Variants in IL1R2 observed in about 807,000 individuals in gnomAD.
The protein encoded by IL1R2 is interleukin-1 receptor type 2.
IL1R2 carries 46 observed loss-of-function variants against 39.5 expected under a neutral mutation model. The observed-to-expected ratio is 1.16, with a 90% CI of 0.92 to 1.49. IL1R2 has a LOEUF of 1.49. IL1R2 is among the 40% of genes most tolerant of loss of function. The probability of loss-of-function intolerance (pLI) is 0.00; values close to 1 mark genes in which losing one functional copy is unlikely to be tolerated. For missense variants in IL1R2, 537 were observed against 502.0 expected (o/e 1.07, Z -0.67); for synonymous variants, 207 against 189.6 (o/e 1.09, Z -0.75).
At chr2:102,001,264 C>T (rs954769404) in intron 1 of IL1R2, among the ~76,000 whole-genome samples, 4 of 152,206 alleles carry the variant, frequency 2.6e-5, no homozygotes, top group African/African-American at 4.8e-5. Context: ...GTGGTTTTAG[C>T]GAGAAGGGAT....
chr2:101,997,014 T>G (rs1333781395), intron 1 of IL1R2, among the ~76,000 whole-genome samples: 2 of 152,140 alleles, frequency 1.3e-5, no homozygotes, highest in Non-Finnish European at 2.9e-5. Context: ...ACTCTTCCAG[T>G]TTCTCACCAG....
In IL1R2 at chr2:102,019,767, G is replaced by T; in HGVS notation, c.643G>T (p.Gly215Cys). 1 of 1,614,176 alleles carries T rather than the reference G, an allele frequency of 6.2e-7. No homozygotes were observed. The highest frequency in any genetic ancestry group is 8.5e-7 in the Non-Finnish European group (1 of 1,180,028). ...CTGTGTCCTGACATTTGCCCATGAA[G>T]GCCAGCAATACAACATCACTAGGAG... Reference protein sequence around the residue: ...YRCVLTFAHEGQQYNITRSIE... With the variant: ...YRCVLTFAHECQQYNITRSIE... The change falls in exon 5 of 9, where the codon GGC becomes TGC. Residue 215 changes from glycine to cysteine, a missense_variant. Gly to Cys is a radical substitution (Grantham distance 159). Transcript: ENST00000332549.
chr2:102,017,331 A>T (rs1010867389), intron 4 of IL1R2, among the ~76,000 whole-genome samples: 2 of 147,936 alleles, frequency 1.4e-5, no homozygotes, highest in African/African-American at 5.0e-5. Context: ...CTGGAGGTGG[A>T]GGTTGCAGTG....
At chr2:102,007,413 C>T (rs719248) in intron 1 of IL1R2, among the ~76,000 whole-genome samples, 97,465 of 152,056 alleles carry the variant, frequency 0.64, 32,926 homozygotes, top group African/African-American at 0.85. Context: ...ATAGGGAAAA[C>T]TCTCTGACAA....
chr2:102,016,016 C>A lies in IL1R2; in HGVS notation c.478C>A (p.Arg160Ser). ...ATGCCCTGACCTGAGTGAATTCACCCGTGACAAAACTGACGTGAAGATTCA... is the reference window on the plus strand; with the variant it reads ...ATGCCCTGACCTGAGTGAATTCACCAGTGACAAAACTGACGTGAAGATTCA... ...LVCPDLSEFT[R>S]DKTDVKIQWY... Residue 160 changes from arginine (R) to serine (S), a missense_variant, in exon 4 of 9, where the codon CGT becomes AGT. Coordinates refer to ENST00000332549, the MANE Select transcript of IL1R2 (RefSeq NM_004633.4). 1 of 1,613,704 alleles carries A rather than the reference C, an allele frequency of 6.2e-7. No homozygotes were observed. Among genetic ancestry groups the A allele is most frequent in the Non-Finnish European group, 8.5e-7 (1 of 1,179,812 alleles).
At chr2:101,993,816 A>G (rs183482207) in intron 1 of IL1R2, among the ~76,000 whole-genome samples, 1 of 152,216 alleles carries the variant, frequency 6.6e-6, no homozygotes, top group African/African-American at 2.4e-5. Context: ...GATCTTTGTC[A>G]AGACCCTACA....
Position 102,028,432 on chromosome 2 carries a change from G to A in IL1R2, c.*40G>A, listed in dbSNP as rs371717704. 49 of 1,504,428 alleles carry A rather than the reference G, an allele frequency of 3.3e-5. No individual in the cohort carries two copies. Among genetic ancestry groups the A allele is most frequent in the South Asian group, 2.8e-4 (21 of 76,344 alleles). 93.2% of individuals were successfully genotyped at this position (1,504,428 alleles called of 1,614,324 possible). A position where few individuals can be genotyped will look rare whatever the true frequency, so the allele number is the denominator to read the frequency against. ...AATAATTCAAACACAAACTCCGTAC[G>A]TCTTCTCTTATGGAAGTGGCTGTGT... On this transcript the variant is annotated 3_prime_UTR_variant, in exon 9 of 9. Coordinates refer to ENST00000332549, the MANE Select transcript of IL1R2 (RefSeq NM_004633.4).
At position 101,993,546 on chromosome 2, in the gene IL1R2, CTCTG is replaced by C. The variant is rs1477839730; in HGVS notation, c.-62+1543_-62+1546del. On this transcript the variant is annotated intron_variant, in intron 1 of 8. Coordinates refer to ENST00000332549, the MANE Select transcript of IL1R2 (RefSeq NM_004633.4). The stretch of plus-strand genomic sequence containing the variant: ...CTCAGGTGTCCTGACTCCCAGATCT[CTCTG>C]TCTGTCTTTGTTTCTCTCTGTCTGC... Among the ~76,000 whole-genome samples the C allele has an allele frequency of 3.3e-5, 5 of 152,254 alleles. No homozygotes were observed. In the East Asian group the frequency reaches 5.8e-4, roughly 18 times the overall value.
At chr2:102,021,535 C>T (rs985194810) in intron 5 of IL1R2, among the ~76,000 whole-genome samples, 9 of 152,106 alleles carry the variant, frequency 5.9e-5, no homozygotes, top group Admixed American at 4.6e-4. Context: ...AGGCTGGTCT[C>T]GAACTCCTGA....
At chr2:102,022,359 C>T (rs1483560150) in intron 6 of IL1R2, 110 bp downstream of exon 6, 2 of 871,238 alleles carry the variant, frequency 2.3e-6, no homozygotes, top group Non-Finnish European at 3.9e-6. Context: ...TCCTTGGGTG[C>T]AATGTGCCTG....
At chr2:101,995,647 A>C (rs932383999) in intron 1 of IL1R2, among the ~76,000 whole-genome samples, 2 of 152,126 alleles carry the variant, frequency 1.3e-5, no homozygotes, top group African/African-American at 4.8e-5. Context: ...CTTCACTTTG[A>C]TTGTGGTGCC....
chr2:102,004,179 T>C (rs1676117481), intron 1 of IL1R2, among the ~76,000 whole-genome samples: 1 of 152,214 alleles, frequency 6.6e-6, no homozygotes, highest in Non-Finnish European at 1.5e-5. Flanking sequence ...AACTTTTCAG[T>C]CTTTTTGTAA....
chr2:102,003,216 G>C (rs563613293), intron 1 of IL1R2, among the ~76,000 whole-genome samples: 1 of 151,746 alleles, frequency 6.6e-6, no homozygotes, highest in South Asian at 2.1e-4. Flanking sequence ...GTCTATATCT[G>C]TGTCTGTGTC....
intron 3 of IL1R2, among the ~76,000 whole-genome samples, chr2:102,015,258 GA>G (rs2150444730): frequency 6.6e-6 from 1 of 152,318 alleles, no homozygotes; most frequent in East Asian, 1.9e-4. Flanking sequence ...CCCTTTTGAA[GA>G]GGACTTGGGG....
At position 102,016,041 on chromosome 2, in the gene IL1R2, A is replaced by G. The variant is rs1281853866; in HGVS notation, c.503A>G (p.Gln168Arg). The G allele has an allele frequency of 5.0e-6, 8 of 1,613,324 alleles. No homozygotes were observed. The East Asian group carries it at 1.6e-4, about 31-fold the overall frequency. ...FTRDKTDVKI[Q>R]WYKDSLLLDK... ...CGTGACAAAACTGACGTGAAGATTC[A>G]ATGGTACAAGGTACGGCTTTAAAAA... Residue 168 changes from glutamine (Q) to arginine (R), a missense_variant, in exon 4 of 9, where the codon CAA becomes CGA. Gln to Arg is a conservative substitution (Grantham distance 43). Coordinates refer to ENST00000332549, the MANE Select transcript of IL1R2 (RefSeq NM_004633.4).
intron 8 of IL1R2, among the ~76,000 whole-genome samples, chr2:102,026,476 T>A (rs1677754560): frequency 6.6e-6 from 1 of 152,234 alleles, no homozygotes; most frequent in Admixed American, 6.5e-5. Flanking sequence ...AATAGCAAGC[T>A]GATTTTTGGA....
chr2:102,004,292 G>A (rs1382190069), intron 1 of IL1R2, among the ~76,000 whole-genome samples: 1 of 152,100 alleles, frequency 6.6e-6, no homozygotes, highest in African/African-American at 2.4e-5. Context: ...ATCAAAGGCA[G>A]GTAACGGTTA....
chr2:102,014,847 A>T (rs1324330856), intron 3 of IL1R2, among the ~76,000 whole-genome samples: 1 of 151,480 alleles, frequency 6.6e-6, no homozygotes, highest in Non-Finnish European at 1.5e-5. Flanking sequence ...TCTGTCCTCC[A>T]TCCATTTCCC....
chr2:102,025,395 C>G (rs764775709), intron 7 of IL1R2, among the ~76,000 whole-genome samples: 3 of 152,172 alleles, frequency 2.0e-5, no homozygotes, highest in Non-Finnish European at 1.5e-5. Context: ...GTGTGGGTAG[C>G]ACAATCATGT....
Sources: gnomAD v4.1 joint callset for allele counts (sites outside exome capture counted in the v4.1 genomes callset) on GRCh38, gnomAD v4.1.1 for gene constraint, MANE v1.5 for transcripts, NCBI Gene and HGNC (gene_info 2026-07-23, HGNC 2026-07-21) for gene names.